The following NCF2 variants were observed in gnomAD, a reference collection of about 807,000 sequenced individuals.
NCF2 encodes the protein neutrophil cytosolic factor 2, also known as neutrophil cytosol factor 2.
Under a neutral mutation model 70.9 loss-of-function variants are expected in NCF2, and 45 were observed. The ratio of observed to expected loss-of-function variants is 0.63; its 90% CI spans 0.50 to 0.81. The LOEUF is 0.81. Among genes scored for constraint, NCF2 ranks in the 40% least tolerant of loss-of-function variants. The probability of loss-of-function intolerance (pLI) is 0.00; values close to 1 mark genes in which losing one functional copy is unlikely to be tolerated. For missense variants in NCF2, 522 were observed against 631.6 expected (o/e 0.83, Z 1.86); for synonymous variants, 203 against 233.6 (o/e 0.87, Z 1.19).
chr1:183,556,857 C>T (rs1168432329), intron 14 of NCF2, among the ~76,000 whole-genome samples: 2 of 152,094 alleles, frequency 1.3e-5, no homozygotes, highest in Admixed American at 1.3e-4. Flanking sequence ...GAGAATTTTA[C>T]CTGCGCTTTG....
chr1:183,563,317 A>G lies in NCF2; in HGVS notation c.1179-11T>C. On this transcript the variant is annotated splice_polypyrimidine_tract_variant and intron_variant, in intron 12 of 14. Transcript: ENST00000367535. ...TCCCGAGGCCGATAGCTGGGTGGGG[A>G]TAATGAGTAAGAATCCAGTCAAAGA... The G allele has an allele frequency of 6.2e-7, 1 of 1,613,924 alleles. No homozygotes were observed.
At chr1:183,599,012 CA>C in the NCF2 span, among the ~76,000 whole-genome samples, 1 of 152,152 alleles carries the variant, frequency 6.6e-6, no homozygotes, top group African/African-American at 2.4e-5. Flanking sequence ...GATTATTAAA[CA>C]AAGGCACTTA....
Position 183,555,940 on chromosome 1 carries a change from C to T in NCF2, c.*178G>A. On this transcript the variant is annotated 3_prime_UTR_variant, in exon 15 of 15. Transcript: ENST00000367535. The stretch of plus-strand genomic sequence containing the variant: ...TCCCCATCTCCTCACCCACTGTGCC[C>T]CAGGAAATCATCCTGGGTACTCACA... 1.5e-6 allele frequency: 1 copy of T among 656,394 alleles called. No homozygotes were observed. Among genetic ancestry groups the T allele is most frequent in the Non-Finnish European group, 2.7e-6 (1 of 366,058 alleles). The allele number at this position is 656,394 out of a possible 1,614,324, so 40.7% of individuals were successfully genotyped here. A position where few individuals can be genotyped will look rare whatever the true frequency, so the allele number is the denominator to read the frequency against.
Position 183,590,279 on chromosome 1 carries a change from C to T in NCF2, c.51G>A (p.Ala17=), listed in dbSNP as rs761136334. ...GGGCTCCCTTCCAGTCCTTCTTGTC[C>T]GCTGCCAGCACCCCTTCATTCCAGA... ...ISLWNEGVLA[A]DKKDWKGALD... Residue 17 remains alanine (A), a synonymous_variant, in exon 1 of 15, where the codon GCG becomes GCA. Coordinates refer to ENST00000367535, the MANE Select transcript of NCF2 (RefSeq NM_000433.4). 62 of 1,614,084 alleles carry T rather than the reference C, an allele frequency of 3.8e-5. No individual in the cohort carries two copies. In the Middle Eastern group the frequency reaches 6.6e-4, roughly 17 times the overall value.
chr1:183,599,437 T>TCTTTCTTTCTTTCCTTC, the NCF2 span, among the ~76,000 whole-genome samples: 3 of 96,740 alleles, frequency 3.1e-5, no homozygotes, highest in African/African-American at 1.1e-4. Context: ...TTTCTTTCTT[T>TCTTTCTTTCTTTCCTTC]CTTTCTTTCT....
Position 183,563,508 on chromosome 1 carries a change from G to C in NCF2, c.1104C>G (p.Pro368=), listed in dbSNP as rs541838904. The change falls in exon 12 of 15, where the codon CCC becomes CCG. Residue 368 remains proline, a synonymous_variant. Coordinates refer to ENST00000367535, the MANE Select transcript of NCF2 (RefSeq NM_000433.4). ...CCCGGACCTGGCTGTAGGGGAGCCC[G>C]GGCTGAGTCTTCATGACTACCGTGT... is the stretch of plus-strand genomic sequence containing the variant. ...YKYTVVMKTQ[P]GLPYSQVRDM... is the part of the protein sequence containing the mutation. The C allele has an allele frequency of 1.2e-6, 2 of 1,614,136 alleles. No individual in the cohort carries two copies. The highest frequency in any genetic ancestry group is 2.2e-5 in the East Asian group (1 of 44,880).
At chr1:183,563,800 C>G in intron 11 of NCF2, 1 of 814,206 alleles carries the variant, frequency 1.2e-6, no homozygotes, top group Admixed American at 2.0e-5. Context: ...AAGATCTGGC[C>G]CACTAGCTTG....
chr1:183,573,061 C>T, intron 5 of NCF2, 124 bp downstream of exon 5: 1 of 870,908 alleles, frequency 1.1e-6, no homozygotes. Context: ...ATAAACAAGT[C>T]TCTCATTGCC....
Position 183,568,138 on chromosome 1 carries a change from A to G in NCF2, c.714-793T>C, listed in dbSNP as rs372513979. Among the ~76,000 whole-genome samples, 133 of 149,550 alleles carry G rather than the reference A, an allele frequency of 8.9e-4. 2 individuals carry two copies. In the East Asian group the frequency reaches 0.019, roughly 21 times the overall value. On this transcript the variant is annotated intron_variant, in intron 7 of 14. Coordinates refer to ENST00000367535, the MANE Select transcript of NCF2 (RefSeq NM_000433.4). ...AGGAATGAGCTCATCCAGCCCCCTC[A>G]TTTTTGTAGTTGCTTTGGTACTTTT... is the stretch of plus-strand genomic sequence containing the variant.
rs755372753 is a variant in NCF2 at position 183,586,855 on chromosome 1, C to G, written c.257+40G>C. 7.9e-5 allele frequency: 126 copies of G among 1,588,318 alleles called. 1 individual carries two copies. Among genetic ancestry groups the G allele is most frequent in the Non-Finnish European group, 6.7e-5 (78 of 1,156,770 alleles). The stretch of plus-strand genomic sequence containing the variant: ...CAACACTGAGACCCCTTGGGTTTCT[C>G]TCTGAAATCCTCCAGTTGGTGCAAC... On this transcript the variant is annotated intron_variant, in intron 2 of 14. Transcript: ENST00000367535.
At chr1:183,570,705 A>G (rs1442822676) in intron 6 of NCF2, 75 bp downstream of exon 6, 18 of 1,491,476 alleles carry the variant, frequency 1.2e-5, no homozygotes, top group East Asian at 6.8e-5. Flanking sequence ...CTCAGCACAC[A>G]TAGTCTCTCG....
chr1:183,559,491 A>G (rs1186453367), intron 14 of NCF2, among the ~76,000 whole-genome samples: 3 of 152,242 alleles, frequency 2.0e-5, no homozygotes, highest in Admixed American at 6.5e-5. Context: ...AGGCAAAGTG[A>G]TTCCAGCCCA....
chr1:183,562,646 A>G (rs1208997188), intron 13 of NCF2, among the ~76,000 whole-genome samples: 2 of 152,178 alleles, frequency 1.3e-5, no homozygotes, highest in East Asian at 3.8e-4. Flanking sequence ...CAGCCTGGCC[A>G]AGATGGTGAA....
chr1:183,567,537 C>T (rs1672367102), intron 7 of NCF2, 192 bp from the exon 8 acceptor site: 1 of 768,588 alleles, frequency 1.3e-6, no homozygotes, highest in African/African-American at 1.7e-5. Flanking sequence ...TACACCTGCT[C>T]ATAACCATAT....
At chr1:183,590,067 C>T (rs1673568713) in intron 1 of NCF2, 89 bp downstream of exon 1, 2 of 1,585,016 alleles carry the variant, frequency 1.3e-6, no homozygotes, top group South Asian at 1.1e-5. Context: ...TTCAATCTCC[C>T]CAGAGGTTAG....
chr1:183,591,471 CCTGAA>C (rs1245729143), upstream of NCF2, among the ~76,000 whole-genome samples: 1 of 151,274 alleles, frequency 6.6e-6, no homozygotes, highest in Non-Finnish European at 1.5e-5. Flanking sequence ...CTGATCTGGG[CCTGAA>C]ATAACTTTTT....
chr1:183,599,484 C>CTTTCTTTCTTTCT, the NCF2 span, among the ~76,000 whole-genome samples: 583 of 40,682 alleles, frequency 0.014, 5 homozygotes, highest in African/African-American at 0.028. Context: ...CTTTCTTTCT[C>CTTTCTTTCTTTCT]TTTTCTTTCT....
intron 2 of NCF2, among the ~76,000 whole-genome samples, chr1:183,585,904 G>A (rs1673327791): frequency 6.6e-6 from 1 of 152,234 alleles, no homozygotes; most frequent in African/African-American, 2.4e-5. Flanking sequence ...CAGGGTGATA[G>A]AAGAAAATGG....
At chr1:183,567,994 T>C (rs368591589) in intron 7 of NCF2, among the ~76,000 whole-genome samples, 1 of 152,154 alleles carries the variant, frequency 6.6e-6, no homozygotes, top group East Asian at 1.9e-4. Context: ...GGTGTTCAGG[T>C]TTCAGGCTTC....
Sources: gnomAD v4.1 joint callset for allele counts (sites outside exome capture counted in the v4.1 genomes callset) on GRCh38, gnomAD v4.1.1 for gene constraint, MANE v1.5 for transcripts, NCBI Gene and HGNC (gene_info 2026-07-23, HGNC 2026-07-21) for gene names.